Variants in GAB1 observed in about 807,000 individuals in gnomAD.
GAB1 encodes GRB2 associated binding protein 1, also known as GRB2-associated-binding protein 1.
Under a neutral mutation model 66.5 loss-of-function variants are expected in GAB1, and 19 were observed. That is an observed-to-expected ratio of 0.29 (90% CI 0.20 to 0.42). GAB1 has a LOEUF of 0.42. GAB1 is among the 10% of genes least tolerant of loss of function. GAB1 has a pLI of 1.00. For synonymous variants in GAB1, 294 were observed against 301.4 expected, an observed-to-expected ratio of 0.98 and a Z score of 0.25; for missense variants, 732 against 858.5, an observed-to-expected ratio of 0.85 and a Z score of 1.84.
chr4:143,426,681 G>T (rs887853682), intron 2 of GAB1, among the ~76,000 whole-genome samples: 1 of 152,104 alleles, frequency 6.6e-6, no homozygotes, highest in South Asian at 2.1e-4. Flanking sequence ...TTGTTATTGG[G>T]AACCACAATT....
intron 2 of GAB1, among the ~76,000 whole-genome samples, chr4:143,423,481 A>T (rs1024607613): frequency 2.0e-5 from 3 of 151,970 alleles, no homozygotes; most frequent in Non-Finnish European, 2.9e-5. Context: ...GTGGATGATG[A>T]GGTCAGGAGA....
intron 1 of GAB1, chr4:143,350,054 G>T: frequency 2.0e-6 from 3 of 1,532,164 alleles, no homozygotes; most frequent in Non-Finnish European, 2.6e-6. Context: ...AAGCCACCGC[G>T]GTTCCCCATC....
rs1419107066 is a variant in GAB1 at position 143,337,279 on chromosome 4, A to G, written c.72+19A>G. On this transcript the variant is annotated intron_variant, in intron 1 of 9. Transcript: ENST00000262994. The stretch of plus-strand genomic sequence containing the variant: ...GCGTTATGTAAGTAGAGCTGCGGGC[A>G]CCACTCCGCGGGCCTCGGCGTCCAC... 3.2e-6 allele frequency: 5 copies of G among 1,563,698 alleles called. No homozygotes were observed. In the East Asian group the frequency reaches 1.2e-4, roughly 36 times the overall value.
intron 2 of GAB1, among the ~76,000 whole-genome samples, chr4:143,429,946 A>G (rs1386641814): frequency 6.6e-6 from 1 of 152,264 alleles, no homozygotes; most frequent in Non-Finnish European, 1.5e-5. Context: ...ATAGCTCAAA[A>G]TAAGTTTCCT....
chr4:143,449,001 A>G (rs375880463), intron 6 of GAB1, among the ~76,000 whole-genome samples: 3 of 152,034 alleles, frequency 2.0e-5, no homozygotes, highest in Non-Finnish European at 2.9e-5. Flanking sequence ...CTTTGTTCTC[A>G]TTGGTTTCAA....
chr4:143,395,013 C>A (rs562641456), intron 1 of GAB1: 1 of 152,186 alleles, frequency 6.6e-6, no homozygotes, highest in Non-Finnish European at 1.5e-5. Context: ...TGTACAGCTA[C>A]CAGGATTTGA....
rs1429922238 is a variant in GAB1 at position 143,337,260 on chromosome 4, T to C, written c.72T>C (p.Tyr24=). The change falls in exon 1 of 10, where the codon TAT becomes TAC. Residue 24 remains tyrosine, a splice_region_variant and synonymous_variant. Transcript: ENST00000262994. ...CCCCGGAGAAAAAGTTGAAGCGTTA[T>C]GTAAGTAGAGCTGCGGGCACCACTC... ...KSPPEKKLKR[Y]AWKRRWFVLR... 6.3e-7 allele frequency: 1 copy of C among 1,575,384 alleles called. No individual in the cohort carries two copies. The highest frequency in any genetic ancestry group is 1.2e-5 in the South Asian group (1 of 86,040).
chr4:143,404,339 G>A (rs1731931851), intron 1 of GAB1, among the ~76,000 whole-genome samples: 1 of 152,116 alleles, frequency 6.6e-6, no homozygotes, highest in African/African-American at 2.4e-5. Flanking sequence ...AACAACATAT[G>A]GGACACATTT....
At chr4:143,370,908 A>G (rs1226218253) in intron 1 of GAB1, among the ~76,000 whole-genome samples, 1 of 152,218 alleles carries the variant, frequency 6.6e-6, no homozygotes, top group Non-Finnish European at 1.5e-5. Context: ...ATAGTATTCC[A>G]TGGTGTATAT....
intron 6 of GAB1, among the ~76,000 whole-genome samples, chr4:143,448,173 G>A (rs1734674213): frequency 6.6e-6 from 1 of 151,944 alleles, no homozygotes; most frequent in East Asian, 1.9e-4. Context: ...TTTTTGATGT[G>A]CTGCTGAATT....
At chr4:143,384,088 A>G (rs76821757) in intron 1 of GAB1, among the ~76,000 whole-genome samples, 1 of 152,146 alleles carries the variant, frequency 6.6e-6, no homozygotes, top group Non-Finnish European at 1.5e-5. Context: ...AGAAAAAAAA[A>G]AGATATGTGA....
intron 1 of GAB1, among the ~76,000 whole-genome samples, chr4:143,404,846 T>G (rs1400418343): frequency 6.6e-6 from 1 of 152,214 alleles, no homozygotes; most frequent in Non-Finnish European, 1.5e-5. Context: ...AGTTCCTCAG[T>G]TGCATCAGCC....
intron 2 of GAB1, chr4:143,425,194 T>C (rs1308408383): frequency 1.2e-6 from 1 of 856,204 alleles, no homozygotes; most frequent in East Asian, 2.4e-5. Context: ...ATCTACATTA[T>C]AAATCTGAAG....
chr4:143,409,146 GA>G (rs1446344117), intron 1 of GAB1, among the ~76,000 whole-genome samples: 2 of 152,318 alleles, frequency 1.3e-5, no homozygotes, highest in East Asian at 3.9e-4. Context: ...TATCTCAGGG[GA>G]AGTTGAGGAA....
intron 6 of GAB1, among the ~76,000 whole-genome samples, chr4:143,448,309 A>T (rs1173041042): frequency 6.6e-6 from 1 of 151,954 alleles, no homozygotes; most frequent in East Asian, 1.9e-4. Flanking sequence ...GCCTTATAAA[A>T]TGAGTTAGGG....
chr4:143,427,187 A>G (rs1026651025), intron 2 of GAB1, among the ~76,000 whole-genome samples: 3 of 152,170 alleles, frequency 2.0e-5, no homozygotes, highest in Admixed American at 1.3e-4. Context: ...GCTCCTCCCT[A>G]TATCTATCAC....
chr4:143,345,412 AAAC>A (rs1340221054), intron 1 of GAB1, among the ~76,000 whole-genome samples: 1 of 152,348 alleles, frequency 6.6e-6, no homozygotes, highest in East Asian at 1.9e-4. Context: ...CATGAATTAA[AAAC>A]AACATACCAA....
chr4:143,460,279 C>T, intron 7 of GAB1, 85 bp from the exon 8 acceptor site: 1 of 1,265,446 alleles, frequency 7.9e-7, no homozygotes, highest in Non-Finnish European at 1.1e-6. Flanking sequence ...TGAAAGAATG[C>T]AGACTGTCTC....
chr4:143,462,889 C>T (rs1043964104), intron 8 of GAB1, among the ~76,000 whole-genome samples: 12 of 152,076 alleles, frequency 7.9e-5, no homozygotes, highest in African/African-American at 1.9e-4. Context: ...CTCAAACTCC[C>T]GACCTCAAAT....
Sources: gnomAD v4.1 joint callset for allele counts (sites outside exome capture counted in the v4.1 genomes callset) on GRCh38, gnomAD v4.1.1 for gene constraint, MANE v1.5 for transcripts, NCBI Gene and HGNC (gene_info 2026-07-23, HGNC 2026-07-21) for gene names.